KDM2A: variants seen among roughly 807,000 people sequenced by gnomAD.
KDM2A encodes the protein lysine demethylase 2A, also known as lysine-specific demethylase 2A.
A neutral mutation model predicts 137.3 loss-of-function variants in KDM2A; 3 were observed. The ratio of observed to expected loss-of-function variants is 0.02; its 90% CI spans 0.01 to 0.06. The LOEUF is 0.06. Among genes scored for constraint, KDM2A ranks in the 10% least tolerant of loss-of-function variants. The probability of loss-of-function intolerance (pLI) is 1.00; values close to 1 mark genes in which losing one functional copy is unlikely to be tolerated. For synonymous variants in KDM2A, 512 were observed against 541.5 expected (o/e 0.95, Z 0.76); for missense variants, 738 against 1,510.6 (o/e 0.49, Z 8.48).
chr11:67,217,598 A>G (rs1858208509), intron 8 of KDM2A, 133 bp from the exon 9 acceptor site: 1 of 790,172 alleles, frequency 1.3e-6, no homozygotes, highest in East Asian at 2.7e-5. Flanking sequence ...CACATAGTCA[A>G]GTTCTATAGG....
intron 10 of KDM2A, among the ~76,000 whole-genome samples, chr11:67,221,321 G>C (rs1421838503): frequency 1.3e-5 from 2 of 152,202 alleles, no homozygotes; most frequent in Non-Finnish European, 2.9e-5. Flanking sequence ...AACAGTTGGA[G>C]AATTGCAGAG....
At chr11:67,218,015 T>C (rs1858223735) in intron 9 of KDM2A, 131 bp downstream of exon 9, 4 of 805,162 alleles carry the variant, frequency 5.0e-6, no homozygotes, top group Non-Finnish European at 7.6e-6. Flanking sequence ...TTCCTGTCAT[T>C]ATGGAATAGA....
intron 5 of KDM2A, chr11:67,196,680 T>C (rs1857490891): frequency 2.2e-5 from 7 of 318,798 alleles, no homozygotes; most frequent in Non-Finnish European, 4.3e-5. Flanking sequence ...GTAACCAAAA[T>C]CATGGAGACA....
chr11:67,182,899 C>A (rs953969302), intron 5 of KDM2A, among the ~76,000 whole-genome samples: 1 of 152,186 alleles, frequency 6.6e-6, no homozygotes, highest in Non-Finnish European at 1.5e-5. Flanking sequence ...AATTTTCTTC[C>A]TAGCACTAGA....
At chr11:67,140,272 G>A (rs1363210556) in intron 2 of KDM2A, among the ~76,000 whole-genome samples, 1 of 151,868 alleles carries the variant, frequency 6.6e-6, no homozygotes, top group African/African-American at 2.4e-5. Flanking sequence ...AGGCTGAGGT[G>A]GAAGGATCAC....
chr11:67,205,361 C>T (rs1430565643), intron 5 of KDM2A, among the ~76,000 whole-genome samples: 1 of 152,086 alleles, frequency 6.6e-6, no homozygotes, highest in Non-Finnish European at 1.5e-5. Context: ...ATATTCTTCT[C>T]TTGGGTATTA....
At chr11:67,166,630 C>T (rs904351802) in intron 2 of KDM2A, among the ~76,000 whole-genome samples, 8 of 152,046 alleles carry the variant, frequency 5.3e-5, no homozygotes, top group Admixed American at 4.6e-4. Context: ...GAGGCTGAGG[C>T]AGGAGGATCT....
intron 8 of KDM2A, 132 bp from the exon 9 acceptor site, chr11:67,217,599 G>A (rs1858208638): frequency 4.9e-6 from 4 of 816,844 alleles, no homozygotes; most frequent in Middle Eastern, 3.4e-4. Flanking sequence ...ACATAGTCAA[G>A]TTCTATAGGC....
chr11:67,225,663 G>A (rs568272931), intron 10 of KDM2A, among the ~76,000 whole-genome samples: 4 of 152,170 alleles, frequency 2.6e-5, no homozygotes, highest in Non-Finnish European at 4.4e-5. Flanking sequence ...CCAGCTACTC[G>A]GGAGGCTGAG....
chr11:67,159,901 A>G (rs1288262771), intron 2 of KDM2A, among the ~76,000 whole-genome samples: 1 of 152,220 alleles, frequency 6.6e-6, no homozygotes. Context: ...ACAGAGTTGT[A>G]GTATGAGATG....
At chr11:67,181,539 C>T in intron 4 of KDM2A, 141 bp downstream of exon 4, 1 of 577,066 alleles carries the variant, frequency 1.7e-6, no homozygotes, top group South Asian at 2.6e-5. Context: ...ATATGCTTTT[C>T]TTTTGATACA....
At chr11:67,203,616 A>G (rs569481016) in intron 5 of KDM2A, among the ~76,000 whole-genome samples, 1 of 151,050 alleles carries the variant, frequency 6.6e-6, no homozygotes, top group Non-Finnish European at 1.5e-5. Context: ...TTAACTGGGT[A>G]TGGTGGCATG....
chr11:67,121,497 G>A, intron 2 of KDM2A, 139 bp downstream of exon 2: 1 of 703,078 alleles, frequency 1.4e-6, no homozygotes, highest in Non-Finnish European at 2.4e-6. Context: ...GGGGAAAGGT[G>A]TATTAATATC....
intron 2 of KDM2A, among the ~76,000 whole-genome samples, chr11:67,157,462 T>C (rs1156467203): frequency 6.6e-6 from 1 of 151,928 alleles, no homozygotes; most frequent in Non-Finnish European, 1.5e-5. Flanking sequence ...TAACATCTTG[T>C]GGCCGGGTGC....
rs1037351722 is a variant in KDM2A at position 67,233,893 on chromosome 11, C to T, written c.1479+1933C>T. On this transcript the variant is annotated intron_variant, in intron 12 of 20. Transcript: ENST00000529006. The stretch of plus-strand genomic sequence containing the variant: ...GTGTTTATCAGGGACCACTGAAAAA[C>T]GTGACTGCCATCACTGGCTAAGATA... Among the ~76,000 whole-genome samples the T allele has an allele frequency of 2.6e-5, 4 of 152,074 alleles. No homozygotes were observed. The South Asian group carries it at 8.3e-4, about 31-fold the overall frequency.
intron 5 of KDM2A, among the ~76,000 whole-genome samples, chr11:67,202,546 GTGGA>G (rs1857656125): frequency 6.6e-6 from 1 of 152,120 alleles, no homozygotes; most frequent in African/African-American, 2.4e-5. Context: ...GCTGAGGCGG[GTGGA>G]TCACAAGGTC....
Position 67,255,845 on chromosome 11 carries a change from T to C in KDM2A, c.*790T>C. On this transcript the variant is annotated 3_prime_UTR_variant, in exon 21 of 21. Transcript: ENST00000529006. ...CAAGTGGATTCTGAGACAGGCACCA[T>C]CTCCTTGTTCCCCCTCTCTCTTTTG... The C allele has an allele frequency of 3.6e-6, 1 of 279,776 alleles. No individual in the cohort carries two copies. The highest frequency in any genetic ancestry group is 7.2e-6 in the Non-Finnish European group (1 of 139,504). 17.3% of individuals were successfully genotyped at this position (279,776 alleles called of 1,614,324 possible). A position where few individuals can be genotyped will look rare whatever the true frequency, so the allele number is the denominator to read the frequency against.
At position 67,255,783 on chromosome 11, in the gene KDM2A, C is replaced by A; in HGVS notation, c.*728C>A. The A allele has an allele frequency of 3.0e-6, 1 of 332,852 alleles. No homozygotes were observed. Among genetic ancestry groups the A allele is most frequent in the Non-Finnish European group, 6.0e-6 (1 of 166,338 alleles). The allele number at this position is 332,852 out of a possible 1,614,324, so 20.6% of individuals were successfully genotyped here. On this transcript the variant is annotated 3_prime_UTR_variant, in exon 21 of 21. Transcript: ENST00000529006. Reference sequence around the variant, plus strand: ...TTGAAGCTCTTCAGAGGAGCTGGAACTGTCTACCCCAGGGACACACCCATT... The same window carrying A: ...TTGAAGCTCTTCAGAGGAGCTGGAAATGTCTACCCCAGGGACACACCCATT...
intron 2 of KDM2A, among the ~76,000 whole-genome samples, chr11:67,121,637 CAA>C (rs1443220927): frequency 2.0e-5 from 3 of 152,104 alleles, no homozygotes; most frequent in Non-Finnish European, 4.4e-5. Flanking sequence ...TACAATGTGA[CAA>C]AGATTCCTGA....
Sources: allele counts gnomAD v4.1 joint callset (sites outside exome capture counted in the v4.1 genomes callset), GRCh38; gene constraint gnomAD v4.1.1; transcripts MANE v1.5; gene names NCBI Gene and HGNC (gene_info 2026-07-23, HGNC 2026-07-21).